The following FAM124A variants were observed in gnomAD, a reference collection of about 807,000 sequenced individuals.
The protein encoded by FAM124A is family with sequence similarity 124 member A, also known as protein FAM124A.
Under a neutral mutation model 24.5 loss-of-function variants are expected in FAM124A, and 23 were observed. The ratio of observed to expected loss-of-function variants is 0.94; its 90% CI spans 0.68 to 1.33. The LOEUF (loss-of-function observed/expected upper bound fraction) is 1.33. Ranked by LOEUF, FAM124A falls within the 40% of genes most tolerant of loss-of-function variation. The probability of loss-of-function intolerance (pLI) is 0.00; values close to 1 mark genes in which losing one functional copy is unlikely to be tolerated. For missense variants in FAM124A, 623 were observed against 722.8 expected (o/e 0.86, Z 1.58); for synonymous variants, 287 against 314.7 (o/e 0.91, Z 0.93).
chr13:51,277,576 C>T (rs1305245865), intron 3 of FAM124A, among the ~76,000 whole-genome samples: 12 of 152,310 alleles, frequency 7.9e-5, no homozygotes, highest in Non-Finnish European at 1.5e-4. Flanking sequence ...GGGTGGACCA[C>T]GAGGTCAGAA....
rs1021965747 is a variant in FAM124A at position 51,281,195 on chromosome 13, T to A, written c.1580T>A (p.Met527Lys). 5.6e-6 allele frequency: 9 copies of A among 1,611,096 alleles called. No homozygotes were observed. Among genetic ancestry groups the A allele is most frequent in the Non-Finnish European group, 7.6e-6 (9 of 1,178,558 alleles). Residue 527 changes from methionine to lysine, a missense_variant, in exon 4 of 4, where the codon ATG becomes AAG. Coordinates refer to ENST00000322475, the MANE Select transcript of FAM124A (RefSeq NM_001242312.2). The part of the protein sequence containing the change: ...TPKVKQTDGD[M>K]PPPPGSAGPG... ...AAAGTCAAGCAGACTGATGGAGACA[T>A]GCCACCACCCCCAGGGTCGGCTGGC...
At chr13:51,252,273 G>A (rs1954633718) in intron 3 of FAM124A, 72 bp downstream of exon 3, 2 of 1,538,148 alleles carry the variant, frequency 1.3e-6, no homozygotes, top group East Asian at 2.3e-5. Context: ...AAACACTATA[G>A]TACCAGTCAC....
chr13:51,245,024 A>G (rs1406582809), intron 2 of FAM124A, among the ~76,000 whole-genome samples: 2 of 152,256 alleles, frequency 1.3e-5, no homozygotes, highest in African/African-American at 4.8e-5. Context: ...AAGGATGTGG[A>G]CACACAAGGA....
rs753584686 is a variant in FAM124A, at chr13:51,280,488, A to C, written c.873A>C (p.Arg291Ser). ...RVHKKFPKPG[R>S]VHHASEKKRH... ...ATAAGAAGTTTCCTAAACCTGGCAGAGTACATCATGCCTCCGAGAAGAAAC... is the reference window on the plus strand; with the variant it reads ...ATAAGAAGTTTCCTAAACCTGGCAGCGTACATCATGCCTCCGAGAAGAAAC... The change falls in exon 4 of 4, where the codon AGA becomes AGC. Residue 291 changes from arginine to serine, a missense_variant. Physicochemically the swap from Arg to Ser is moderately radical, Grantham distance 110. Coordinates refer to ENST00000322475, the MANE Select transcript of FAM124A (RefSeq NM_001242312.2). 63 of 1,612,690 alleles carry C rather than the reference A, an allele frequency of 3.9e-5. No homozygotes were observed. In the South Asian group the frequency reaches 6.5e-4, roughly 17 times the overall value.
Position 51,251,478 on chromosome 13 carries a change from C to A in FAM124A, c.111C>A (p.Ser37=). Residue 37 remains serine (S), a synonymous_variant, in exon 3 of 4, where the codon TCC becomes TCA. Transcript: ENST00000322475. The surrounding 1 kb of genome is among the most constrained non-coding windows in gnomAD (Gnocchi z 5.3). ...TTTGCGTGCCCCCAGGTGAGCTTTC[C>A]GTTGAAGAGGCGCAGGACCCTTTCC... ...SHLSSTSSEL[S]VEEAQDPFLV... is the part of the protein sequence containing the mutation. 6.7e-7 allele frequency: 1 copy of A among 1,501,576 alleles called. No individual in the cohort carries two copies. Among genetic ancestry groups the A allele is most frequent in the South Asian group, 1.4e-5 (1 of 70,734 alleles). The allele number at this position is 1,501,576 out of a possible 1,614,324, so 93.0% of individuals were successfully genotyped here. A position where few individuals can be genotyped will look rare whatever the true frequency, so the allele number is the denominator to read the frequency against.
Position 51,251,606 on chromosome 13 carries a change from G to T in FAM124A, c.239G>T (p.Arg80Leu). The part of the protein sequence containing the change: ...AWIHPDLPLF[R>L]VSERRASRRR... Reference sequence around the variant, plus strand: ...ATCCACCCCGACCTCCCGCTGTTCCGGGTGTCCGAGAGGCGGGCGTCCCGG... The same window carrying T: ...ATCCACCCCGACCTCCCGCTGTTCCTGGTGTCCGAGAGGCGGGCGTCCCGG... Residue 80 changes from arginine (R) to leucine (L), a missense_variant, in exon 3 of 4, where the codon CGG (arginine) becomes CTG (leucine). Coordinates refer to ENST00000322475, the MANE Select transcript of FAM124A (RefSeq NM_001242312.2). This position sits in a 1 kb window ranked among gnomAD's most constrained non-coding sequence, Gnocchi z 5.3. 6.4e-7 allele frequency: 1 copy of T among 1,574,032 alleles called. No homozygotes were observed.
At chr13:51,228,612 TA>T (rs1003348238) in intron 1 of FAM124A, among the ~76,000 whole-genome samples, 4 of 152,024 alleles carry the variant, frequency 2.6e-5, no homozygotes, top group East Asian at 1.9e-4. Flanking sequence ...TCCTCTTGCC[TA>T]AAAAAAACTT....
rs117215021 is a variant in FAM124A at position 51,251,656 on chromosome 13, G to A, written c.289G>A (p.Ala97Thr). The A allele has an allele frequency of 1.5e-4, 232 of 1,580,282 alleles. No homozygotes were observed. The East Asian group carries it at 5.0e-3, about 34-fold the overall frequency. ...GCGGCGGCGGAAGCCCCCCAAGGGC[G>A]CTCAGCCAGCGCTGGCTGTGGTGCT... ...SRRRRKPPKG[A>T]QPALAVVLFL... The change falls in exon 3 of 4, where the codon GCT (alanine) becomes ACT (threonine). Residue 97 changes from alanine (A) to threonine (T), a missense_variant. Coordinates refer to ENST00000322475, the MANE Select transcript of FAM124A (RefSeq NM_001242312.2). The surrounding 1 kb of genome is among the most constrained non-coding windows in gnomAD (Gnocchi z 5.3).
At chr13:51,267,296 C>G (rs1046784971) in intron 3 of FAM124A, among the ~76,000 whole-genome samples, 1 of 152,056 alleles carries the variant, frequency 6.6e-6, no homozygotes, top group Non-Finnish European at 1.5e-5. Flanking sequence ...AATATATTCC[C>G]TTGTGTTTAC....
intron 2 of FAM124A, among the ~76,000 whole-genome samples, chr13:51,239,776 G>C (rs1405087621): frequency 2.0e-5 from 3 of 152,212 alleles, no homozygotes; most frequent in Non-Finnish European, 4.4e-5. Context: ...ATGGATGAGA[G>C]TGTCATAAAA....
At chr13:51,248,722 T>C (rs1954590177) in intron 2 of FAM124A, among the ~76,000 whole-genome samples, 1 of 152,228 alleles carries the variant, frequency 6.6e-6, no homozygotes, top group Non-Finnish European at 1.5e-5. Flanking sequence ...CTCTTTCTCC[T>C]GCCCAAAGCT....
chr13:51,234,388 G>T (rs1279875033), intron 2 of FAM124A, among the ~76,000 whole-genome samples: 1 of 152,144 alleles, frequency 6.6e-6, no homozygotes, highest in Non-Finnish European at 1.5e-5. Context: ...AATGCAGGGG[G>T]CTGCTTCCTC....
At chr13:51,226,434 A>T (rs184334863) in intron 1 of FAM124A, among the ~76,000 whole-genome samples, 1 of 152,272 alleles carries the variant, frequency 6.6e-6, no homozygotes, top group Admixed American at 6.5e-5. Flanking sequence ...TCTTTGGTGT[A>T]AATACAGCCC....
chr13:51,227,217 C>T (rs1954324207), intron 1 of FAM124A: 1 of 152,122 alleles, frequency 6.6e-6, no homozygotes, highest in Non-Finnish European at 1.5e-5. Flanking sequence ...ACAGGGCATG[C>T]CTCACTATTC....
rs1295905198 is a variant in FAM124A, at chr13:51,222,516, G to T, written c.15G>T (p.Ala5=). 2.4e-6 allele frequency: 3 copies of T among 1,225,830 alleles called. No individual in the cohort carries two copies. The highest frequency in any genetic ancestry group is 3.0e-6 in the Non-Finnish European group (3 of 985,434). 75.9% of individuals were successfully genotyped at this position (1,225,830 alleles called of 1,614,324 possible). ...GGACGTGCACCATGGACCCAAAGGCGGGCGGCGGCGGCGAGGAGGACGACT... is the reference window on the plus strand; with the variant it reads ...GGACGTGCACCATGGACCCAAAGGCTGGCGGCGGCGGCGAGGAGGACGACT... The part of the protein sequence containing the change: MDPK[A]GGGGEEDDCV... Residue 5 remains alanine (A), a synonymous_variant, in exon 1 of 4, where the codon GCG becomes GCT. Coordinates refer to ENST00000322475, the MANE Select transcript of FAM124A (RefSeq NM_001242312.2).
rs768068704 is a variant in FAM124A at position 51,231,375 on chromosome 13, G to A, written c.96G>A (p.Thr32=). Residue 32 remains threonine, a synonymous_variant, in exon 2 of 4, where the codon ACG becomes ACA. Transcript: ENST00000322475. ...CCGACTACAGCCACCTGTCCTCCAC[G>A]AGCAGTAAGTATCTTTTAAACATCC... ...GGSDYSHLSS[T]SSELSVEEAQ... The A allele has an allele frequency of 9.9e-6, 16 of 1,613,718 alleles. No homozygotes were observed. Among genetic ancestry groups the A allele is most frequent in the East Asian group, 2.2e-5 (1 of 44,884 alleles).
rs756493786 is a variant in FAM124A at position 51,231,361 on chromosome 13, C to T, written c.82C>T (p.His28Tyr). 1.2e-6 allele frequency: 2 copies of T among 1,613,754 alleles called. No individual in the cohort carries two copies. Among genetic ancestry groups the T allele is most frequent in the Non-Finnish European group, 1.7e-6 (2 of 1,179,948 alleles). ...CTTGTGTTTCAGGTCCGACTACAGC[C>T]ACCTGTCCTCCACGAGCAGTAAGTA... is the stretch of plus-strand genomic sequence containing the variant. ...GAETGGSDYS[H>Y]LSSTSSELSV... Residue 28 changes from histidine to tyrosine, a missense_variant, in exon 2 of 4, where the codon CAC (histidine) becomes TAC (tyrosine). His to Tyr is a moderately conservative substitution (Grantham distance 83). Transcript: ENST00000322475.
intron 3 of FAM124A, among the ~76,000 whole-genome samples, chr13:51,270,139 G>A (rs1954825899): frequency 6.6e-6 from 1 of 152,138 alleles, no homozygotes; most frequent in African/African-American, 2.4e-5. Context: ...GGCCCAGCCT[G>A]AATCAGAGAC....
intron 2 of FAM124A, among the ~76,000 whole-genome samples, chr13:51,241,784 A>G (rs1228088557): frequency 6.6e-6 from 1 of 151,638 alleles, no homozygotes; most frequent in African/African-American, 2.4e-5. Flanking sequence ...CACTTCCTAC[A>G]TTGCTCGTTT....
Sources: allele counts gnomAD v4.1 joint callset (sites outside exome capture counted in the v4.1 genomes callset), GRCh38; gene constraint gnomAD v4.1.1; non-coding constraint Gnocchi (gnomAD v3.1); transcripts MANE v1.5; gene names NCBI Gene and HGNC (gene_info 2026-07-23, HGNC 2026-07-21).